GPC5: variants seen among roughly 807,000 people sequenced by gnomAD.
GPC5 encodes glypican-5.
Under a neutral mutation model 53.9 loss-of-function variants are expected in GPC5, and 47 were observed. The observed-to-expected ratio is 0.87, with a 90% CI of 0.69 to 1.11. The LOEUF (loss-of-function observed/expected upper bound fraction) is 1.11, where lower values mean the gene tolerates loss of function less well. Ranked by LOEUF, GPC5 falls within the 50% of genes most tolerant of loss-of-function variation. The probability of loss-of-function intolerance (pLI) is 0.00; values close to 1 mark genes in which losing one functional copy is unlikely to be tolerated. For synonymous variants in GPC5, 286 were observed against 263.3 expected, an observed-to-expected ratio of 1.09 and a Z score of -0.84; for missense variants, 748 against 713.1, an observed-to-expected ratio of 1.05 and a Z score of -0.56.
intron 7 of GPC5, among the ~76,000 whole-genome samples, chr13:92,234,752 G>A (rs971180428): frequency 6.6e-6 from 1 of 152,104 alleles, no homozygotes; most frequent in East Asian, 1.9e-4. Context: ...GAAAGGAATA[G>A]CACTTTTCTC....
chr13:92,476,706 A>T (rs992624248), intron 7 of GPC5, among the ~76,000 whole-genome samples: 4 of 149,186 alleles, frequency 2.7e-5, no homozygotes, highest in African/African-American at 1.0e-4. Context: ...ATGGAATACT[A>T]TGCAGCCATA....
chr13:92,475,111 A>G (rs1192386722), intron 7 of GPC5, among the ~76,000 whole-genome samples: 1 of 152,150 alleles, frequency 6.6e-6, no homozygotes, highest in Non-Finnish European at 1.5e-5. Context: ...AGCATTGAAA[A>G]TAAACAGTTG....
chr13:91,635,325 A>G (rs907209776), intron 2 of GPC5, among the ~76,000 whole-genome samples: 4 of 152,136 alleles, frequency 2.6e-5, no homozygotes, highest in African/African-American at 9.6e-5. Context: ...CATGTGTAAC[A>G]TGCATTAACC....
At chr13:92,507,470 T>C (rs911083718) in intron 7 of GPC5, among the ~76,000 whole-genome samples, 1 of 152,274 alleles carries the variant, frequency 6.6e-6, no homozygotes, top group African/African-American at 2.4e-5. Context: ...CATTCTGCAG[T>C]AGGTGTAGTA....
At chr13:92,272,438 A>G (rs1274554999) in intron 7 of GPC5, among the ~76,000 whole-genome samples, 1 of 152,198 alleles carries the variant, frequency 6.6e-6, no homozygotes, top group Non-Finnish European at 1.5e-5. Context: ...TTTATGAAAT[A>G]GAATTGATAT....
intron 7 of GPC5, among the ~76,000 whole-genome samples, chr13:92,528,433 A>G (rs887955540): frequency 1.4e-4 from 21 of 152,234 alleles, no homozygotes; most frequent in Admixed American, 1.4e-3. Context: ...TTTTTATGAC[A>G]TTCCTTCTAG....
intron 7 of GPC5, among the ~76,000 whole-genome samples, chr13:92,368,065 A>G (rs1368883713): frequency 6.6e-6 from 1 of 151,908 alleles, no homozygotes; most frequent in Non-Finnish European, 1.5e-5. Context: ...GCTCACTGCA[A>G]CCTCTGCCTC....
At chr13:91,501,323 C>A (rs989667026) in intron 2 of GPC5, among the ~76,000 whole-genome samples, 8 of 146,054 alleles carry the variant, frequency 5.5e-5, no homozygotes, top group African/African-American at 2.0e-4. Flanking sequence ...TATATATGTG[C>A]CATGTTGGTG....
intron 7 of GPC5, among the ~76,000 whole-genome samples, chr13:92,555,613 A>G (rs1161287294): frequency 2.0e-5 from 3 of 150,332 alleles, no homozygotes; most frequent in Non-Finnish European, 4.4e-5. Flanking sequence ...AATATATAAT[A>G]TAAGATAAAG....
intron 7 of GPC5, among the ~76,000 whole-genome samples, chr13:92,262,951 A>G (rs1022648713): frequency 7.2e-5 from 11 of 152,066 alleles, no homozygotes; most frequent in Non-Finnish European, 1.5e-4. Context: ...ATTACTCTCT[A>G]TCCTACCATT....
intron 7 of GPC5, among the ~76,000 whole-genome samples, chr13:92,415,400 G>C (rs1443621042): frequency 6.6e-6 from 1 of 152,072 alleles, no homozygotes; most frequent in Non-Finnish European, 1.5e-5. Flanking sequence ...TAGGTGTGAG[G>C]TATGTTTAGA....
At chr13:92,726,473 A>G (rs1446141301) in intron 7 of GPC5, among the ~76,000 whole-genome samples, 1 of 151,436 alleles carries the variant, frequency 6.6e-6, no homozygotes, top group Non-Finnish European at 1.5e-5. Flanking sequence ...GTTCATTGAA[A>G]CCTTGAAATC....
chr13:91,988,440 G>C (rs1481388961), intron 6 of GPC5, among the ~76,000 whole-genome samples: 1 of 152,156 alleles, frequency 6.6e-6, no homozygotes, highest in East Asian at 1.9e-4. Context: ...TGACTTTTCA[G>C]AAAGGCCTTC....
chr13:92,361,287 A>G (rs12871422), intron 7 of GPC5, among the ~76,000 whole-genome samples: 12,686 of 151,780 alleles, frequency 0.084, 726 homozygotes, highest in Middle Eastern at 0.15. Context: ...GGACCTGTGA[A>G]TTAGAGTTGG....
chr13:91,844,412 G>A, intron 5 of GPC5, among the ~76,000 whole-genome samples: 1 of 152,262 alleles, frequency 6.6e-6, no homozygotes, highest in Non-Finnish European at 1.5e-5. Context: ...ACAAGGAGGG[G>A]AACAAGATCA....
chr13:91,706,086 G>A lies in GPC5; in HGVS notation c.1020+12205G>A, dbSNP rs185112855. ...AGTAGAGACAGATTTTCACCATGTT[G>A]GCCAGGATGGTCTTGATCTCCTGAC... On this transcript the variant is annotated intron_variant, in intron 3 of 7. Coordinates refer to ENST00000377067, the MANE Select transcript of GPC5 (RefSeq NM_004466.6). Among the ~76,000 whole-genome samples, 1,339 of 151,686 alleles carry A rather than the reference G, an allele frequency of 8.8e-3. 12 individuals carry two copies. The highest frequency in any genetic ancestry group is 0.012 in the Non-Finnish European group (792 of 67,924).
At chr13:92,671,452 T>C (rs942833703) in intron 7 of GPC5, among the ~76,000 whole-genome samples, 1 of 152,214 alleles carries the variant, frequency 6.6e-6, no homozygotes, top group African/African-American at 2.4e-5. Flanking sequence ...AATCATTCTA[T>C]TTTTCTAGCT....
chr13:91,583,855 G>A (rs920154693), intron 2 of GPC5, among the ~76,000 whole-genome samples: 5 of 152,168 alleles, frequency 3.3e-5, no homozygotes, highest in Admixed American at 1.3e-4. Context: ...TACCAGGTAT[G>A]TTGCAAAAGC....
chr13:91,974,661 G>A (rs1384778668), intron 6 of GPC5, among the ~76,000 whole-genome samples: 1 of 152,148 alleles, frequency 6.6e-6, no homozygotes, highest in African/African-American at 2.4e-5. Flanking sequence ...TCATGGGTAG[G>A]AAGAATCAAT....
Sources: allele counts gnomAD v4.1 joint callset (sites outside exome capture counted in the v4.1 genomes callset), GRCh38; gene constraint gnomAD v4.1.1; transcripts MANE v1.5; gene names NCBI Gene and HGNC (gene_info 2026-07-23, HGNC 2026-07-21).